TSPAN15: variants seen among roughly 807,000 people sequenced by gnomAD.
TSPAN15 encodes tetraspanin 15.
TSPAN15 carries 20 observed loss-of-function variants against 34.5 expected under a neutral mutation model. The ratio of observed to expected loss-of-function variants is 0.58; its 90% CI spans 0.41 to 0.84. The LOEUF (loss-of-function observed/expected upper bound fraction) is 0.84, where lower values mean the gene tolerates loss of function less well. Among genes scored for constraint, TSPAN15 ranks in the 40% least tolerant of loss-of-function variants. The probability of loss-of-function intolerance (pLI) is 0.00; values close to 1 mark genes in which losing one functional copy is unlikely to be tolerated. For synonymous variants in TSPAN15, 155 were observed against 153.9 expected, an observed-to-expected ratio of 1.01 and a Z score of -0.05; for missense variants, 313 against 386.1, an observed-to-expected ratio of 0.81 and a Z score of 1.59.
the TSPAN15 span, among the ~76,000 whole-genome samples, chr10:69,527,621 T>C: frequency 6.8e-6 from 1 of 147,046 alleles, no homozygotes; most frequent in Admixed American, 7.1e-5. Flanking sequence ...TAAGAAAGTT[T>C]AGGAATATGT....
chr10:69,478,753 C>T (rs181490927), intron 1 of TSPAN15, among the ~76,000 whole-genome samples: 1 of 152,302 alleles, frequency 6.6e-6, no homozygotes, highest in Admixed American at 6.5e-5. Flanking sequence ...ACATTTTATA[C>T]AACCAAATTT....
intron 5 of TSPAN15, 92 bp downstream of exon 5, chr10:69,498,488 T>A: frequency 9.9e-7 from 1 of 1,010,066 alleles, no homozygotes; most frequent in Non-Finnish European, 1.5e-6. Context: ...TGAAGATGGG[T>A]GGTGTGGGTG....
In TSPAN15 at chr10:69,498,385, A is replaced by G. The variant is rs779110597; in HGVS notation, c.559A>G (p.Ile187Val). The G allele has an allele frequency of 4.3e-6, 7 of 1,613,802 alleles. No homozygotes were observed. In the African/African-American group the frequency reaches 9.3e-5, roughly 22 times the overall value. The change falls in exon 5 of 8, where the codon ATC (isoleucine) becomes GTC (valine). Residue 187 changes from isoleucine (I) to valine (V), a missense_variant. Physicochemically the swap from Ile to Val is conservative, Grantham distance 29. Transcript: ENST00000373290. ...CTGTGGGGTGCCCTACACCTGCTGCATCAGGAACACGGTAGACACTGCTCC... is the reference window on the plus strand; with the variant it reads ...CTGTGGGGTGCCCTACACCTGCTGCGTCAGGAACACGGTAGACACTGCTCC... The part of the protein sequence containing the change: ...LACGVPYTCC[I>V]RNTTEVVNTM...
intron 5 of TSPAN15, among the ~76,000 whole-genome samples, chr10:69,504,221 C>T (rs1381968720): frequency 7.0e-6 from 1 of 142,470 alleles, no homozygotes; most frequent in African/African-American, 2.7e-5. Flanking sequence ...AGTCATGGAA[C>T]CTGCATTCCT....
chr10:69,456,152 A>G (rs958151183), intron 1 of TSPAN15, among the ~76,000 whole-genome samples: 3 of 150,296 alleles, frequency 2.0e-5, no homozygotes, highest in Non-Finnish European at 4.4e-5. Flanking sequence ...CAATGGTGTG[A>G]TCTTGGCTCA....
chr10:69,526,400 A>G, the TSPAN15 span, among the ~76,000 whole-genome samples: 5 of 148,538 alleles, frequency 3.4e-5, 1 homozygote, highest in Non-Finnish European at 7.4e-5. Context: ...TATTTCCCCA[A>G]GGAAGATAAA....
intron 3 of TSPAN15, chr10:69,494,780 CT>C: frequency 9.1e-6 from 9 of 985,450 alleles, no homozygotes; most frequent in Non-Finnish European, 1.1e-5. Flanking sequence ...CCAGTCTCTG[CT>C]GATACTCGAC....
At chr10:69,516,292 A>G in the TSPAN15 span, among the ~76,000 whole-genome samples, 5 of 152,360 alleles carry the variant, frequency 3.3e-5, no homozygotes, top group East Asian at 9.6e-4. Flanking sequence ...CAAGTCATAC[A>G]GTTAGTGGAA....
chr10:69,461,799 G>A (rs1841264128), intron 1 of TSPAN15, among the ~76,000 whole-genome samples: 1 of 152,068 alleles, frequency 6.6e-6, no homozygotes, highest in South Asian at 2.1e-4. Flanking sequence ...AGGATTCTGA[G>A]ACTAGGTCAC....
At chr10:69,489,727 A>T (rs1841928716) in intron 3 of TSPAN15, among the ~76,000 whole-genome samples, 1 of 152,250 alleles carries the variant, frequency 6.6e-6, no homozygotes, top group Admixed American at 6.5e-5. Flanking sequence ...GCTGCTAGGC[A>T]TGGCCTGACA....
intron 1 of TSPAN15, 142 bp from the exon 2 acceptor site, chr10:69,483,549 T>G: frequency 1.2e-6 from 1 of 836,124 alleles, no homozygotes; most frequent in Non-Finnish European, 1.8e-6. Context: ...GGAAACACAG[T>G]TCAGCCGCTA....
intron 1 of TSPAN15, among the ~76,000 whole-genome samples, chr10:69,475,048 C>T (rs967595571): frequency 1.3e-5 from 2 of 152,062 alleles, no homozygotes; most frequent in African/African-American, 2.4e-5. Flanking sequence ...GAGGCAGGCC[C>T]GTGGCTCTCT....
chr10:69,509,795 T>C (rs1842397254), downstream of TSPAN15, among the ~76,000 whole-genome samples: 1 of 152,262 alleles, frequency 6.6e-6, no homozygotes, highest in Non-Finnish European at 1.5e-5. Context: ...TTCAGTTTTC[T>C]GTATATGGCT....
At chr10:69,485,943 A>T (rs182926119) in intron 3 of TSPAN15, among the ~76,000 whole-genome samples, 1 of 152,202 alleles carries the variant, frequency 6.6e-6, no homozygotes, top group African/African-American at 2.4e-5. Context: ...GATGCCTGGC[A>T]TCCTGGCCCT....
intron 1 of TSPAN15, among the ~76,000 whole-genome samples, chr10:69,452,335 G>C (rs12413873): frequency 0.12 from 17,947 of 152,220 alleles, 1,057 homozygotes; most frequent in African/African-American, 0.12. Context: ...ACCAAGCTTT[G>C]AATTCCGTCG....
intron 4 of TSPAN15, among the ~76,000 whole-genome samples, chr10:69,497,573 C>G (rs900319967): frequency 2.0e-5 from 3 of 152,136 alleles, no homozygotes; most frequent in Admixed American, 2.0e-4. Context: ...TTCTCCATTT[C>G]CAGGTTGCAC....
At position 69,507,316 on chromosome 10, in the gene TSPAN15, T is replaced by A; in HGVS notation, c.*338T>A. The A allele has an allele frequency of 8.1e-7, 1 of 1,239,498 alleles. No homozygotes were observed. Among genetic ancestry groups the A allele is most frequent in the Non-Finnish European group, 1.0e-6 (1 of 977,718 alleles). 76.8% of individuals were successfully genotyped at this position (1,239,498 alleles called of 1,614,324 possible). A position where few individuals can be genotyped will look rare whatever the true frequency, so the allele number is the denominator to read the frequency against. On this transcript the variant is annotated 3_prime_UTR_variant, in exon 8 of 8. Transcript: ENST00000373290. ...TTCATCTCTGGCAGTGCCTTGGCGG[T>A]GGTATTCAAGGCAGTTTTGTAGCAC...
intron 1 of TSPAN15, among the ~76,000 whole-genome samples, chr10:69,462,459 T>C (rs1023755417): frequency 6.6e-5 from 10 of 152,140 alleles, no homozygotes; most frequent in Admixed American, 2.0e-4. Flanking sequence ...CTCAGCCTCC[T>C]GAGTAGCTTG....
At chr10:69,544,523 C>A in the TSPAN15 span, among the ~76,000 whole-genome samples, 2 of 152,312 alleles carry the variant, frequency 1.3e-5, no homozygotes, top group South Asian at 2.1e-4. Flanking sequence ...CTGCTCCAGG[C>A]AAGGCTATGC....
Sources: gnomAD v4.1 joint callset for allele counts (sites outside exome capture counted in the v4.1 genomes callset) on GRCh38, gnomAD v4.1.1 for gene constraint, MANE v1.5 for transcripts, NCBI Gene and HGNC (gene_info 2026-07-23, HGNC 2026-07-21) for gene names.